GRIA4: variants seen among roughly 807,000 people sequenced by gnomAD.
The protein encoded by GRIA4 is glutamate receptor 4.
Under a neutral mutation model 104.0 loss-of-function variants are expected in GRIA4, and 34 were observed. The observed-to-expected ratio is 0.33, with a 90% CI of 0.25 to 0.44. The LOEUF is 0.44. Among genes scored for constraint, GRIA4 ranks in the 20% least tolerant of loss-of-function variants. The pLI is 1.00. For synonymous variants in GRIA4, 386 were observed against 381.9 expected (o/e 1.01, Z -0.13); for missense variants, 750 against 1,096.5 (o/e 0.68, Z 4.46).
At chr11:105,977,889 TTC>T (rs1390125657) in intron 16 of GRIA4, among the ~76,000 whole-genome samples, 21 of 152,060 alleles carry the variant, frequency 1.4e-4, no homozygotes, top group African/African-American at 5.1e-4. Context: ...GGTGAAATTA[TTC>T]TATATGGGTG....
At chr11:105,893,154 A>G (rs1294358754) in intron 6 of GRIA4, among the ~76,000 whole-genome samples, 1 of 152,168 alleles carries the variant, frequency 6.6e-6, no homozygotes, top group Admixed American at 6.5e-5. Flanking sequence ...CATTTTAACA[A>G]GAGAAAGCCT....
chr11:105,685,980 G>C (rs1952868163), intron 3 of GRIA4, among the ~76,000 whole-genome samples: 1 of 151,946 alleles, frequency 6.6e-6, no homozygotes, highest in Non-Finnish European at 1.5e-5. Context: ...GAAACGGGTG[G>C]AAGACACTCA....
intron 4 of GRIA4, among the ~76,000 whole-genome samples, chr11:105,855,792 T>C (rs756016253): frequency 3.8e-4 from 58 of 152,256 alleles, no homozygotes; most frequent in African/African-American, 9.1e-4. Flanking sequence ...TCTAGAATCA[T>C]TGATGTCTAT....
At chr11:105,644,857 T>C (rs1384133639) in intron 3 of GRIA4, among the ~76,000 whole-genome samples, 6 of 152,102 alleles carry the variant, frequency 3.9e-5, no homozygotes, top group Admixed American at 2.6e-4. Flanking sequence ...ATAGTAATCT[T>C]TAATATATGT....
chr11:105,926,324 CAG>C (rs1181108255), intron 12 of GRIA4, among the ~76,000 whole-genome samples: 1 of 152,074 alleles, frequency 6.6e-6, no homozygotes, highest in Non-Finnish European at 1.5e-5. Context: ...GTACCACAAA[CAG>C]AGAAACAATG....
At chr11:105,917,051 AT>A (rs1332960716) in intron 10 of GRIA4, among the ~76,000 whole-genome samples, 1 of 152,286 alleles carries the variant, frequency 6.6e-6, no homozygotes, top group Admixed American at 6.5e-5. Context: ...CAATTCACCA[AT>A]TTTATAACCA....
intron 4 of GRIA4, among the ~76,000 whole-genome samples, chr11:105,856,884 A>G (rs981438260): frequency 1.3e-5 from 2 of 152,140 alleles, no homozygotes; most frequent in African/African-American, 4.8e-5. Context: ...TTGAAGATGA[A>G]TTCTCTACTT....
At chr11:105,935,037 T>C (rs1169157283) in intron 14 of GRIA4, among the ~76,000 whole-genome samples, 1 of 152,170 alleles carries the variant, frequency 6.6e-6, no homozygotes, top group Non-Finnish European at 1.5e-5. Context: ...CTAGTACAAA[T>C]GAAAGCAATA....
At chr11:105,669,581 T>G (rs1302617822) in intron 3 of GRIA4, among the ~76,000 whole-genome samples, 3 of 152,146 alleles carry the variant, frequency 2.0e-5, no homozygotes, top group African/African-American at 7.2e-5. Flanking sequence ...ACAGATAATC[T>G]GTGTTCTCAC....
chr11:105,619,596 A>T (rs1437373123), intron 3 of GRIA4, among the ~76,000 whole-genome samples: 1 of 151,940 alleles, frequency 6.6e-6, no homozygotes. Flanking sequence ...GGGTAAATTT[A>T]TCTAAGATCT....
chr11:105,826,889 G>T (rs1197645432), intron 4 of GRIA4, among the ~76,000 whole-genome samples: 5 of 151,904 alleles, frequency 3.3e-5, no homozygotes, highest in Admixed American at 2.6e-4. Flanking sequence ...CCTATTCTTT[G>T]GTCAGCAACC....
intron 4 of GRIA4, among the ~76,000 whole-genome samples, chr11:105,844,190 T>G (rs978684391): frequency 6.6e-6 from 1 of 152,198 alleles, no homozygotes; most frequent in African/African-American, 2.4e-5. Flanking sequence ...AGCTAAAAAT[T>G]TAATGAAATG....
At chr11:105,667,599 T>C (rs1952207439) in intron 3 of GRIA4, among the ~76,000 whole-genome samples, 1 of 152,064 alleles carries the variant, frequency 6.6e-6, no homozygotes, top group Non-Finnish European at 1.5e-5. Context: ...ATAAACAACC[T>C]GAGTACAACT....
intron 10 of GRIA4, among the ~76,000 whole-genome samples, chr11:105,910,910 A>G (rs537680611): frequency 3.5e-4 from 53 of 152,210 alleles, no homozygotes; most frequent in Non-Finnish European, 6.5e-4. Context: ...ACATATTATT[A>G]TTGTTACTAT....
At chr11:105,894,833 C>T (rs1946590474) in intron 6 of GRIA4, among the ~76,000 whole-genome samples, 1 of 100,622 alleles carries the variant, frequency 9.9e-6, no homozygotes, top group Non-Finnish European at 2.1e-5. Context: ...CGCTCTGTCG[C>T]CCAGGCTGGA....
intron 3 of GRIA4, among the ~76,000 whole-genome samples, chr11:105,634,468 G>GGAAAGAAAGAAA (rs751748317): frequency 5.4e-4 from 51 of 94,290 alleles, no homozygotes; most frequent in African/African-American, 1.9e-3. Flanking sequence ...AGAAAGAAAG[G>GGAAAGAAAGAAA]GAAAGAAAGA....
chr11:105,687,806 C>G (rs1387704529), intron 3 of GRIA4, among the ~76,000 whole-genome samples: 1 of 152,166 alleles, frequency 6.6e-6, no homozygotes, highest in Non-Finnish European at 1.5e-5. Flanking sequence ...CACAGATGCT[C>G]AGTGTCACTA....
At chr11:105,811,245 C>T (rs961048485) in intron 4 of GRIA4, among the ~76,000 whole-genome samples, 6 of 152,184 alleles carry the variant, frequency 3.9e-5, no homozygotes, top group African/African-American at 1.4e-4. Context: ...GTATTAAAAA[C>T]ACATTGTGAC....
At chr11:105,643,541 T>C (rs548779010) in intron 3 of GRIA4, among the ~76,000 whole-genome samples, 1 of 152,290 alleles carries the variant, frequency 6.6e-6, no homozygotes, top group Non-Finnish European at 1.5e-5. Flanking sequence ...CAGGTGCTGA[T>C]ATCCTTGGCT....
Sources: gnomAD v4.1 joint callset for allele counts (sites outside exome capture counted in the v4.1 genomes callset) on GRCh38, gnomAD v4.1.1 for gene constraint, MANE v1.5 for transcripts, NCBI Gene and HGNC (gene_info 2026-07-23, HGNC 2026-07-21) for gene names.